The following NCOR1 variants were observed in gnomAD, a reference collection of about 807,000 sequenced individuals.
NCOR1 encodes protein phosphatase 1, regulatory subunit 109.
NCOR1 carries 63 observed loss-of-function variants against 288.1 expected under a neutral mutation model. The ratio of observed to expected loss-of-function variants is 0.22; its 90% CI spans 0.18 to 0.27. The LOEUF is 0.27. Ranked by LOEUF, NCOR1 falls within the 10% of genes least tolerant of loss-of-function variation. The pLI is 1.00. For synonymous variants in NCOR1, 1,007 were observed against 1,065.9 expected (o/e 0.94, Z 1.08); for missense variants, 2,397 against 3,019.2 (o/e 0.79, Z 4.83).
chr17:16,148,171 A>G (rs2078285667), intron 9 of NCOR1, among the ~76,000 whole-genome samples: 1 of 152,214 alleles, frequency 6.6e-6, no homozygotes, highest in African/African-American at 2.4e-5. Context: ...CCTCCAGGAC[A>G]GTATACAACC....
At chr17:16,075,253 G>A (rs2062292936) in intron 27 of NCOR1, among the ~76,000 whole-genome samples, 1 of 152,062 alleles carries the variant, frequency 6.6e-6, no homozygotes, top group Non-Finnish European at 1.5e-5. Flanking sequence ...TTCAACAAAG[G>A]CTCTTTACCT....
At chr17:16,042,211 GTCT>G (rs1326473858) in intron 42 of NCOR1, among the ~76,000 whole-genome samples, 3 of 152,186 alleles carry the variant, frequency 2.0e-5, no homozygotes, top group Non-Finnish European at 4.4e-5. Flanking sequence ...ATGGATGACA[GTCT>G]TCTTACTTAT....
chr17:16,114,802 G>A (rs543125376), intron 18 of NCOR1, among the ~76,000 whole-genome samples: 4 of 152,338 alleles, frequency 2.6e-5, no homozygotes, highest in African/African-American at 9.6e-5. Flanking sequence ...CTTCCTGGCT[G>A]TTTTCACAGG....
intron 26 of NCOR1, among the ~76,000 whole-genome samples, chr17:16,076,119 G>T (rs1471120440): frequency 3.9e-5 from 6 of 152,190 alleles, no homozygotes; most frequent in Non-Finnish European, 5.9e-5. Flanking sequence ...TTAAATAAAT[G>T]TGGTTAAGTT....
intron 10 of NCOR1, among the ~76,000 whole-genome samples, chr17:16,144,792 G>C (rs747912743): frequency 7.0e-6 from 1 of 143,574 alleles, no homozygotes; most frequent in African/African-American, 2.6e-5. Context: ...CGCTTTCCAC[G>C]GTCTCCCCTC....
rs9907313 is a variant in NCOR1, at chr17:16,145,776, G to T, written c.1082+600C>A. 2.7e-4 allele frequency among the ~76,000 whole-genome samples: 41 copies of T among 151,974 alleles called. No individual in the cohort carries two copies. The South Asian group carries it at 3.7e-3, about 14-fold the overall frequency. On this transcript the variant is annotated intron_variant, in intron 10 of 45. Coordinates refer to ENST00000268712, the MANE Select transcript of NCOR1 (RefSeq NM_006311.4). ...GGGGGTGGGGCGCCTCCACCTGGCC[G>T]CTGCCCCGTCTGGGAGGTGTGCCCA...
chr17:16,033,521 G>T (rs995000004), intron 45 of NCOR1, among the ~76,000 whole-genome samples: 1 of 152,034 alleles, frequency 6.6e-6, no homozygotes, highest in African/African-American at 2.4e-5. Flanking sequence ...TAATGCAAAA[G>T]CCTGATATAA....
intron 27 of NCOR1, 127 bp downstream of exon 27, chr17:16,075,407 A>T: frequency 9.8e-7 from 1 of 1,017,592 alleles, no homozygotes; most frequent in African/African-American, 1.6e-5. Flanking sequence ...AACCCCATTT[A>T]CTGAGAGAAA....
intron 3 of NCOR1, among the ~76,000 whole-genome samples, chr17:16,183,279 C>T (rs1343286977): frequency 2.1e-5 from 3 of 144,584 alleles, no homozygotes; most frequent in East Asian, 2.0e-4. Context: ...TAAAAGGCAT[C>T]CAGTCAGAAA....
intron 21 of NCOR1, among the ~76,000 whole-genome samples, chr17:16,097,368 G>A (rs2066828305): frequency 6.6e-6 from 1 of 152,158 alleles, no homozygotes; most frequent in Admixed American, 6.5e-5. Context: ...GTACTGTTGG[G>A]CACCACCATG....
In NCOR1 at chr17:16,129,249, C is replaced by T. The variant is rs118122801; in HGVS notation, c.1510-3043G>A. On this transcript the variant is annotated intron_variant, in intron 14 of 45. Coordinates refer to ENST00000268712, the MANE Select transcript of NCOR1 (RefSeq NM_006311.4). ...TGCTTTGCCTCCTAGATCCTAAAAT[C>T]AGAAAGTCTTCTCTCCAACTACAAC... 7.5e-3 allele frequency among the ~76,000 whole-genome samples: 1,148 copies of T among 152,264 alleles called. 18 individuals are homozygous for T. The highest frequency in any genetic ancestry group is 0.049 in the East Asian group (253 of 5,168).
chr17:16,058,164 G>A (rs747405221), intron 38 of NCOR1, 100 bp from the exon 39 acceptor site: 2 of 1,309,142 alleles, frequency 1.5e-6, no homozygotes, highest in African/African-American at 1.5e-5. Flanking sequence ...GAAAGGATGT[G>A]GTACATAGCT....
chr17:16,121,023 G>A (rs1404450847), intron 16 of NCOR1, 29 bp downstream of exon 16: 7 of 1,585,042 alleles, frequency 4.4e-6, no homozygotes, highest in Non-Finnish European at 6.0e-6. Flanking sequence ...CAAAATTATG[G>A]CCTGTTTATG....
chr17:16,197,985 A>G (rs1248322088), intron 1 of NCOR1, among the ~76,000 whole-genome samples: 1 of 151,980 alleles, frequency 6.6e-6, no homozygotes, highest in Non-Finnish European at 1.5e-5. Flanking sequence ...CTACACATAC[A>G]TACACTCACA....
chr17:16,097,172 A>T (rs1264851026), intron 21 of NCOR1, among the ~76,000 whole-genome samples: 1 of 152,066 alleles, frequency 6.6e-6, no homozygotes, highest in Non-Finnish European at 1.5e-5. Context: ...TAACAAGATG[A>T]CTCCTGGCTG....
At chr17:16,180,470 G>A (rs190438585) in intron 3 of NCOR1, among the ~76,000 whole-genome samples, 1 of 152,290 alleles carries the variant, frequency 6.6e-6, no homozygotes, top group Non-Finnish European at 1.5e-5. Flanking sequence ...AGATATCTGG[G>A]GTGGGCTCAG....
At chr17:16,141,948 A>C (rs1465197527) in intron 11 of NCOR1, among the ~76,000 whole-genome samples, 5 of 152,206 alleles carry the variant, frequency 3.3e-5, no homozygotes, top group African/African-American at 1.2e-4. Flanking sequence ...TAACTTGCAA[A>C]ACAGCCATTA....
chr17:16,151,488 T>C (rs2078865229), intron 8 of NCOR1: 1 of 807,892 alleles, frequency 1.2e-6, no homozygotes. Flanking sequence ...TTTTGAATAA[T>C]GATAAAATGA....
intron 37 of NCOR1, among the ~76,000 whole-genome samples, chr17:16,059,049 CAAAAAAAA>C (rs57820388): frequency 1.7e-4 from 3 of 17,444 alleles, no homozygotes; most frequent in African/African-American, 4.2e-4. Context: ...AACTCCGTCT[CAAAAAAAA>C]AAAAAAAAAA....
Sources: gnomAD v4.1 joint callset for allele counts (sites outside exome capture counted in the v4.1 genomes callset) on GRCh38, gnomAD v4.1.1 for gene constraint, MANE v1.5 for transcripts, NCBI Gene and HGNC (gene_info 2026-07-23, HGNC 2026-07-21) for gene names.